The following PIK3CA variants were observed in gnomAD, a reference collection of about 807,000 sequenced individuals.
PIK3CA encodes the protein phosphatidylinositol-4,5-bisphosphate 3-kinase catalytic subunit alpha, also known as phosphatidylinositol 4,5-bisphosphate 3-kinase catalytic subunit alpha isoform.
A neutral mutation model predicts 138.2 loss-of-function variants in PIK3CA; 27 were observed. The observed-to-expected ratio is 0.20, with a 90% CI of 0.14 to 0.27. The LOEUF is 0.27. Among genes scored for constraint, PIK3CA ranks in the 10% least tolerant of loss-of-function variants. The pLI is 1.00. For synonymous variants in PIK3CA, 358 were observed against 413.2 expected, an observed-to-expected ratio of 0.87 and a Z score of 1.62; for missense variants, 544 against 1,277.4, an observed-to-expected ratio of 0.43 and a Z score of 8.75.
intron 1 of PIK3CA, among the ~76,000 whole-genome samples, chr3:179,183,619 T>C (rs1443473521): frequency 6.6e-6 from 1 of 152,154 alleles, no homozygotes; most frequent in Non-Finnish European, 1.5e-5. Flanking sequence ...TTTATATCTA[T>C]TTGTAAGAAT....
At chr3:179,224,899 A>G in intron 16 of PIK3CA, 78 bp downstream of exon 16, 1 of 991,226 alleles carries the variant, frequency 1.0e-6, no homozygotes, top group Non-Finnish European at 1.5e-6. Context: ...TGAACCATGA[A>G]AACTACTGAA....
At chr3:179,164,308 A>C (rs1015323869) in intron 1 of PIK3CA, among the ~76,000 whole-genome samples, 4 of 152,200 alleles carry the variant, frequency 2.6e-5, no homozygotes, top group Non-Finnish European at 5.9e-5. Context: ...CTTACAGAGC[A>C]CAATCCCAGG....
chr3:179,153,036 A>C (rs774479753), intron 1 of PIK3CA, among the ~76,000 whole-genome samples: 46 of 152,170 alleles, frequency 3.0e-4, no homozygotes, highest in Admixed American at 1.4e-3. Context: ...GATGATTTAT[A>C]AAAGAAAATC....
intron 14 of PIK3CA, among the ~76,000 whole-genome samples, chr3:179,222,023 T>A (rs1724980535): frequency 6.6e-6 from 1 of 151,988 alleles, no homozygotes; most frequent in African/African-American, 2.4e-5. Context: ...TAAACTTTTT[T>A]ATGACCTTTT....
At chr3:179,231,074 G>A (rs1481630269) in intron 20 of PIK3CA, among the ~76,000 whole-genome samples, 1 of 152,084 alleles carries the variant, frequency 6.6e-6, no homozygotes, top group African/African-American at 2.4e-5. Flanking sequence ...AGAACATACT[G>A]TATTTTCAGG....
rs1287805951 is a variant in PIK3CA, at chr3:179,149,003, C to T, written c.-77+400C>T. Among the ~76,000 whole-genome samples the T allele has an allele frequency of 3.9e-5, 6 of 152,134 alleles. No individual in the cohort carries two copies. The East Asian group carries it at 9.7e-4, about 25-fold the overall frequency. Reference sequence around the variant, plus strand: ...GGAGGGGCTGCCGCGAGGACTGCGGCTCAAGGGACGCGGGCGCGAAACCGC... The same window carrying T: ...GGAGGGGCTGCCGCGAGGACTGCGGTTCAAGGGACGCGGGCGCGAAACCGC... On this transcript the variant is annotated intron_variant, in intron 1 of 20. Transcript: ENST00000263967.
At chr3:179,193,779 T>C (rs1475706723) in intron 1 of PIK3CA, among the ~76,000 whole-genome samples, 1 of 152,254 alleles carries the variant, frequency 6.6e-6, no homozygotes, top group East Asian at 1.9e-4. Context: ...ATAGTAGTGA[T>C]TTGTCAGTAT....
chr3:179,154,237 A>T (rs1723078643), intron 1 of PIK3CA, among the ~76,000 whole-genome samples: 1 of 152,126 alleles, frequency 6.6e-6, no homozygotes, highest in Non-Finnish European at 1.5e-5. Flanking sequence ...CAGACCCAGT[A>T]CCTGTCCCTG....
chr3:179,193,333 C>T (rs551357407), intron 1 of PIK3CA, among the ~76,000 whole-genome samples: 20 of 152,254 alleles, frequency 1.3e-4, no homozygotes, highest in African/African-American at 4.8e-4. Flanking sequence ...GGTCTGTTGG[C>T]CTTTAGTTTA....
At chr3:179,200,309 C>T (rs867312329) in intron 3 of PIK3CA, among the ~76,000 whole-genome samples, 4 of 151,786 alleles carry the variant, frequency 2.6e-5, no homozygotes, top group South Asian at 4.1e-4. Context: ...AAGTAATTTT[C>T]TTAAGTATTA....
At chr3:179,223,461 A>G (rs1725013316) in intron 14 of PIK3CA, among the ~76,000 whole-genome samples, 1 of 152,196 alleles carries the variant, frequency 6.6e-6, no homozygotes, top group Non-Finnish European at 1.5e-5. Context: ...GACTCCATGT[A>G]ACAAATGTTT....
chr3:179,231,330 G>C (rs1255165285), intron 20 of PIK3CA, among the ~76,000 whole-genome samples: 1 of 152,040 alleles, frequency 6.6e-6, no homozygotes, highest in Non-Finnish European at 1.5e-5. Context: ...AGGGATTCCT[G>C]GACCAAATGG....
At chr3:179,182,811 C>T (rs1471890901) in intron 1 of PIK3CA, among the ~76,000 whole-genome samples, 1 of 152,062 alleles carries the variant, frequency 6.6e-6, no homozygotes, top group Non-Finnish European at 1.5e-5. Flanking sequence ...GTACATTGAA[C>T]TGTACATAAG....
At chr3:179,195,158 T>C (rs1724234963) in intron 1 of PIK3CA, among the ~76,000 whole-genome samples, 1 of 151,616 alleles carries the variant, frequency 6.6e-6, no homozygotes, top group Non-Finnish European at 1.5e-5. Flanking sequence ...TCTGAGCCAC[T>C]CAGTACTCTT....
intron 5 of PIK3CA, 114 bp from the exon 6 acceptor site, chr3:179,204,389 G>A (rs1043813831): frequency 6.2e-5 from 33 of 534,130 alleles, no homozygotes; most frequent in Middle Eastern, 1.0e-3. Flanking sequence ...AAAAAAAGGA[G>A]AACCAAGCTA....
At chr3:179,169,716 A>C in intron 1 of PIK3CA, among the ~76,000 whole-genome samples, 1 of 152,200 alleles carries the variant, frequency 6.6e-6, no homozygotes, top group African/African-American at 2.4e-5. Flanking sequence ...TTTAATACCT[A>C]CTTAGGCTAG....
chr3:179,210,150 ATT>A, intron 7 of PIK3CA, 34 bp from the exon 8 acceptor site: 1 of 1,490,548 alleles, frequency 6.7e-7, no homozygotes, highest in Non-Finnish European at 9.0e-7. Context: ...GTGTTTTATA[ATT>A]TAGACTAGTG....
intron 6 of PIK3CA, among the ~76,000 whole-genome samples, chr3:179,209,006 A>T (rs1436928188): frequency 6.8e-6 from 1 of 147,414 alleles, no homozygotes; most frequent in Non-Finnish European, 1.5e-5. Flanking sequence ...TAATAAATAT[A>T]TATTTATATT....
chr3:179,201,715 C>T (rs1286730175), intron 4 of PIK3CA, among the ~76,000 whole-genome samples, 175 bp downstream of exon 4: 2 of 151,028 alleles, frequency 1.3e-5, no homozygotes, highest in Non-Finnish European at 2.9e-5. Context: ...ATGCCATTCT[C>T]CTGCCTCAGC....
Sources: allele counts gnomAD v4.1 joint callset (sites outside exome capture counted in the v4.1 genomes callset), GRCh38; gene constraint gnomAD v4.1.1; transcripts MANE v1.5; gene names NCBI Gene and HGNC (gene_info 2026-07-23, HGNC 2026-07-21).